Variants in KANK1 observed in about 807,000 individuals in gnomAD.
The protein encoded by KANK1 is KN motif and ankyrin repeat domains 1.
In KANK1, 109 loss-of-function variants were observed where a neutral mutation model predicts 106.2. The observed-to-expected ratio is 1.03, with a 90% confidence interval of 0.88 to 1.20. KANK1 has a LOEUF of 1.20. Among genes scored for constraint, KANK1 ranks in the 50% most tolerant of loss-of-function variants. The probability of loss-of-function intolerance (pLI) is 0.00; values close to 1 mark genes in which losing one functional copy is unlikely to be tolerated. For synonymous variants in KANK1, 873 were observed against 652.2 expected, an observed-to-expected ratio of 1.34 and a Z score of -5.16; for missense variants, 2,399 against 1,710.7, an observed-to-expected ratio of 1.40 and a Z score of -7.10.
intron 3 of KANK1, among the ~76,000 whole-genome samples, chr9:722,845 G>A (rs532069645): frequency 6.6e-6 from 1 of 152,300 alleles, no homozygotes; most frequent in East Asian, 1.9e-4. Context: ...GCACTGGACA[G>A]GACACCAAAT....
intron 1 of KANK1, among the ~76,000 whole-genome samples, chr9:524,157 T>C (rs1212851366): frequency 1.3e-5 from 2 of 151,858 alleles, no homozygotes; most frequent in African/African-American, 2.4e-5. Flanking sequence ...CCTCTTCTGC[T>C]TTGGCTACCA....
intron 2 of KANK1, among the ~76,000 whole-genome samples, chr9:679,454 A>C (rs979200186): frequency 1.3e-5 from 2 of 152,110 alleles, no homozygotes; most frequent in Non-Finnish European, 1.5e-5. Context: ...TTGCTCTGTC[A>C]CCCAGGCTGG....
intron 1 of KANK1, chr9:660,072 T>A: frequency 2.4e-6 from 1 of 420,712 alleles, no homozygotes; most frequent in Non-Finnish European, 4.7e-6. Context: ...CTGAGGATTA[T>A]ATCCATATAA....
At chr9:743,692 C>A (rs556921937) in intron 10 of KANK1, among the ~76,000 whole-genome samples, 3 of 152,046 alleles carry the variant, frequency 2.0e-5, no homozygotes, top group Non-Finnish European at 4.4e-5. Flanking sequence ...TAGTGAGACT[C>A]CCATCTCTAC....
At chr9:649,480 T>A (rs987280678) in intron 1 of KANK1, among the ~76,000 whole-genome samples, 1 of 152,190 alleles carries the variant, frequency 6.6e-6, no homozygotes. Context: ...CTGAGCTGAT[T>A]TACAGAGTGT....
At chr9:698,078 G>A (rs1222741630) in intron 2 of KANK1, among the ~76,000 whole-genome samples, 6 of 152,134 alleles carry the variant, frequency 3.9e-5, no homozygotes, top group African/African-American at 1.4e-4. Context: ...AGTTCCCCAG[G>A]CCTATCGTCT....
intron 1 of KANK1, among the ~76,000 whole-genome samples, chr9:578,676 C>A (rs752495051): frequency 4.6e-5 from 7 of 152,122 alleles, no homozygotes; most frequent in Non-Finnish European, 7.4e-5. Flanking sequence ...TCAAGCATGA[C>A]AATTGAAAAT....
chr9:621,559 C>T (rs1833150065), intron 1 of KANK1, among the ~76,000 whole-genome samples: 1 of 152,208 alleles, frequency 6.6e-6, no homozygotes, highest in South Asian at 2.1e-4. Context: ...TGATCTTAAA[C>T]TGCAAGGAAT....
chr9:718,851 A>G (rs1828492016), intron 3 of KANK1, among the ~76,000 whole-genome samples: 1 of 152,132 alleles, frequency 6.6e-6, no homozygotes, highest in South Asian at 2.1e-4. Flanking sequence ...TTCCTCACAA[A>G]GTAGTATGTA....
intron 2 of KANK1, among the ~76,000 whole-genome samples, chr9:679,571 C>T (rs376373580): frequency 2.6e-5 from 4 of 152,118 alleles, no homozygotes; most frequent in Admixed American, 1.3e-4. Flanking sequence ...CATGCCATCA[C>T]GCCTGGCCAA....
chr9:704,541 A>G (rs572572458), intron 2 of KANK1, among the ~76,000 whole-genome samples: 2 of 152,164 alleles, frequency 1.3e-5, no homozygotes, highest in Admixed American at 6.5e-5. Flanking sequence ...ATTAGTGTGG[A>G]AGGAGGGGAT....
chr9:517,864 A>G (rs973608905), intron 1 of KANK1, among the ~76,000 whole-genome samples: 2 of 150,018 alleles, frequency 1.3e-5, no homozygotes, highest in Non-Finnish European at 3.0e-5. Context: ...TCAGCCTCCC[A>G]AGTAGCTGGA....
chr9:532,485 A>G (rs951134929), intron 1 of KANK1, among the ~76,000 whole-genome samples: 2 of 145,208 alleles, frequency 1.4e-5, no homozygotes, highest in African/African-American at 5.1e-5. Context: ...GAACTCTTTC[A>G]TCTTCCTAAA....
intron 1 of KANK1, among the ~76,000 whole-genome samples, chr9:593,032 G>C (rs779186121): frequency 2.0e-5 from 3 of 151,824 alleles, no homozygotes; most frequent in South Asian, 2.1e-4. Context: ...GACTTAGGGA[G>C]TTGTACTATT....
intron 2 of KANK1, chr9:706,899 G>T (rs192570563): frequency 8.7e-5 from 86 of 985,470 alleles, no homozygotes; most frequent in Non-Finnish European, 1.0e-4. Context: ...GAAAAACAGA[G>T]CCTCTCTGTA....
At chr9:667,745 TTG>T (rs1844977011) in intron 1 of KANK1, among the ~76,000 whole-genome samples, 1 of 133,280 alleles carries the variant, frequency 7.5e-6, no homozygotes. Flanking sequence ...TTTTTTTGTT[TTG>T]TTTTTTTTTT....
exon 2 of KANK1, chr9:470,630 A>C (rs1192826771): frequency 6.6e-6 from 1 of 152,272 alleles, no homozygotes; most frequent in Non-Finnish European, 1.5e-5. Flanking sequence ...TGCCACAAGA[A>C]AGCACCGCCA....
chr9:552,631 C>CAA (rs2061348859), intron 1 of KANK1, among the ~76,000 whole-genome samples: 1 of 152,182 alleles, frequency 6.6e-6, no homozygotes, highest in Non-Finnish European at 1.5e-5. Context: ...TCAGCCCTGC[C>CAA]AAAATGTAAT....
upstream of KANK1, among the ~76,000 whole-genome samples, chr9:502,354 A>T (rs1303603059): frequency 6.6e-6 from 1 of 152,208 alleles, no homozygotes; most frequent in Admixed American, 6.5e-5. Context: ...TCAATAAAAT[A>T]ACTAAATTAA....
Sources: allele counts gnomAD v4.1 joint callset (sites outside exome capture counted in the v4.1 genomes callset), GRCh38; gene constraint gnomAD v4.1.1; transcripts MANE v1.5; gene names NCBI Gene and HGNC (gene_info 2026-07-23, HGNC 2026-07-21).